Variants in DOCK8 observed in about 807,000 individuals in gnomAD.
DOCK8 encodes dedicator of cytokinesis protein 8.
A neutral mutation model predicts 245.6 loss-of-function variants in DOCK8; 141 were observed. The observed-to-expected ratio is 0.57, with a 90% confidence interval of 0.50 to 0.66. DOCK8 has a LOEUF of 0.66. Among genes scored for constraint, DOCK8 ranks in the 30% least tolerant of loss-of-function variants. The probability of loss-of-function intolerance (pLI) is 0.00; values close to 1 mark genes in which losing one functional copy is unlikely to be tolerated. For missense variants in DOCK8, 2,965 were observed against 2,603.4 expected (o/e 1.14, Z -3.02); for synonymous variants, 1,168 against 970.2 (o/e 1.20, Z -3.79).
At chr9:324,346 T>C (rs1006139279) in intron 7 of DOCK8, among the ~76,000 whole-genome samples, 1 of 152,200 alleles carries the variant, frequency 6.6e-6, no homozygotes, top group Non-Finnish European at 1.5e-5. Flanking sequence ...AACATGACTT[T>C]ATTGACATGA....
chr9:360,859 C>T lies in DOCK8; in HGVS notation c.1680-7159C>T, dbSNP rs141592971. Reference sequence around the variant, plus strand: ...AATGGAGCGGGAGGAATGGAGTGCTCCCTCAAAAAGAGCATTTCAGCTGGT... The same window carrying T: ...AATGGAGCGGGAGGAATGGAGTGCTTCCTCAAAAAGAGCATTTCAGCTGGT... On this transcript the variant is annotated intron_variant, in intron 14 of 47. Transcript: ENST00000432829. 4.7e-3 allele frequency among the ~76,000 whole-genome samples: 710 copies of T among 152,192 alleles called. 9 individuals carry two copies. Among genetic ancestry groups the T allele is most frequent in the African/African-American group, 0.016 (664 of 41,514 alleles).
At chr9:327,942 T>TG in intron 8 of DOCK8, 80 bp from the exon 9 acceptor site, 1 of 1,395,894 alleles carries the variant, frequency 7.2e-7, no homozygotes, top group Non-Finnish European at 1.0e-6. Flanking sequence ...TTCTCTGTGG[T>TG]GTTTTTACTC....
chr9:328,622 C>T (rs1398359757), intron 9 of DOCK8, among the ~76,000 whole-genome samples: 1 of 152,190 alleles, frequency 6.6e-6, no homozygotes, highest in Non-Finnish European at 1.5e-5. Flanking sequence ...GCTAGAGTTT[C>T]CTAACGATGT....
At chr9:446,872 TATTTA>T (rs2057281285) in intron 44 of DOCK8, among the ~76,000 whole-genome samples, 1 of 151,464 alleles carries the variant, frequency 6.6e-6, no homozygotes. Flanking sequence ...TTAATTATAA[TATTTA>T]ATATATATTT....
intron 1 of DOCK8, among the ~76,000 whole-genome samples, chr9:233,262 C>T (rs1478098984): frequency 6.6e-6 from 1 of 151,924 alleles, no homozygotes; most frequent in South Asian, 2.1e-4. Flanking sequence ...GTCTGAGAGA[C>T]AGTTTGTTAT....
At chr9:441,522 C>A in intron 41 of DOCK8, 105 bp downstream of exon 41, 1 of 1,550,278 alleles carries the variant, frequency 6.5e-7, no homozygotes, top group Non-Finnish European at 8.8e-7. Context: ...TTATCTTTAG[C>A]ACATTGCTTT....
upstream of DOCK8, among the ~76,000 whole-genome samples, chr9:212,225 T>C (rs1405955936): frequency 2.0e-5 from 3 of 152,152 alleles, no homozygotes; most frequent in African/African-American, 7.2e-5. Context: ...GTTTGTTCAA[T>C]AAAATAGGTA....
intron 9 of DOCK8, among the ~76,000 whole-genome samples, chr9:329,987 C>T (rs2050935317): frequency 6.6e-6 from 1 of 152,186 alleles, no homozygotes. Context: ...GCTTCTTTCC[C>T]TTTAAATATA....
At chr9:312,313 C>G (rs1290204441) in intron 6 of DOCK8, 147 bp downstream of exon 6, 5 of 911,246 alleles carry the variant, frequency 5.5e-6, no homozygotes, top group African/African-American at 1.6e-5. Context: ...TTCACTCAGG[C>G]AAGCCTGTGT....
intron 40 of DOCK8, 33 bp from the exon 41 acceptor site, chr9:441,253 A>C (rs561713919): frequency 6.2e-7 from 1 of 1,613,932 alleles, no homozygotes; most frequent in African/African-American, 1.3e-5. Flanking sequence ...CAGTGGATTA[A>C]ATTCTCTCTG....
rs1261084682 is a variant in DOCK8 at position 368,324 on chromosome 9, T to G, written c.1797+189T>G. 4.1e-6 allele frequency: 3 copies of G among 734,640 alleles called. No individual in the cohort carries two copies. In the African/African-American group the frequency reaches 5.2e-5, roughly 13 times the overall value. 45.5% of individuals were successfully genotyped at this position (734,640 alleles called of 1,614,324 possible). A position where few individuals can be genotyped will look rare whatever the true frequency, so the allele number is the denominator to read the frequency against. On this transcript the variant is annotated intron_variant, in intron 15 of 47. Coordinates refer to ENST00000432829, the MANE Select transcript of DOCK8 (RefSeq NM_203447.4). The stretch of plus-strand genomic sequence containing the variant: ...GGGTCAGTCTTACTTGACGATCTCT[T>G]TCTCGGCTTATTCTGTAGTGAGCTT...
intron 8 of DOCK8, among the ~76,000 whole-genome samples, chr9:327,053 C>T (rs2050794867): frequency 6.6e-6 from 1 of 152,232 alleles, no homozygotes; most frequent in South Asian, 2.1e-4. Flanking sequence ...TCCCTACAAC[C>T]AGGCTTTCTT....
intron 46 of DOCK8, among the ~76,000 whole-genome samples, chr9:461,191 T>C (rs1056483801): frequency 6.6e-5 from 10 of 152,246 alleles, no homozygotes; most frequent in African/African-American, 2.4e-4. Flanking sequence ...TCTCTGTCTT[T>C]AATGTTCTTC....
intron 1 of DOCK8, among the ~76,000 whole-genome samples, chr9:231,753 C>A (rs1031554304): frequency 6.6e-6 from 1 of 152,090 alleles, no homozygotes; most frequent in Admixed American, 6.5e-5. Context: ...GATTTTGTAT[C>A]CTGAGACTTT....
intron 30 of DOCK8, among the ~76,000 whole-genome samples, chr9:419,658 A>C (rs1242717591): frequency 1.3e-5 from 2 of 152,128 alleles, no homozygotes; most frequent in Non-Finnish European, 2.9e-5. Flanking sequence ...AGTACATTCC[A>C]CTGGATATTA....
chr9:422,476 C>G (rs577370063), intron 33 of DOCK8, among the ~76,000 whole-genome samples: 2 of 152,136 alleles, frequency 1.3e-5, no homozygotes, highest in African/African-American at 4.8e-5. Flanking sequence ...ACTTTCAAAT[C>G]GATATTTCCT....
At chr9:363,885 A>G (rs1430721663) in intron 14 of DOCK8, among the ~76,000 whole-genome samples, 1 of 152,142 alleles carries the variant, frequency 6.6e-6, no homozygotes. Flanking sequence ...AGTGTAAGAG[A>G]CAAGTGTGGT....
chr9:388,625 G>A (rs1283128523), intron 23 of DOCK8, among the ~76,000 whole-genome samples: 1 of 151,750 alleles, frequency 6.6e-6, no homozygotes, highest in Admixed American at 6.6e-5. Context: ...TGCAATCTTG[G>A]CTCACTGCAA....
chr9:407,248 C>A lies in DOCK8; in HGVS notation c.3530+179C>A, dbSNP rs73639211. On this transcript the variant is annotated intron_variant, in intron 28 of 47. Coordinates refer to ENST00000432829, the MANE Select transcript of DOCK8 (RefSeq NM_203447.4). ...CATAAGCACAAGGCACAAGAAAGGC[C>A]TTTCTTGTGTAGAAAGGCACCAGGG... Among the ~76,000 whole-genome samples, 1,547 of 152,094 alleles carry A rather than the reference C, an allele frequency of 0.01. 27 individuals carry two copies. The highest frequency in any genetic ancestry group is 0.035 in the African/African-American group (1,443 of 41,452).
Sources: allele counts gnomAD v4.1 joint callset (sites outside exome capture counted in the v4.1 genomes callset), GRCh38; gene constraint gnomAD v4.1.1; transcripts MANE v1.5; gene names NCBI Gene and HGNC (gene_info 2026-07-23, HGNC 2026-07-21).